The following SYNDIG1 variants were observed in gnomAD, a reference collection of about 807,000 sequenced individuals.
SYNDIG1 encodes the protein synapse differentiation inducing 1.
In SYNDIG1, 9 loss-of-function variants were observed where a neutral mutation model predicts 19.4. The observed-to-expected ratio is 0.46, with a 90% CI of 0.28 to 0.81. The LOEUF (loss-of-function observed/expected upper bound fraction) is 0.81. Among genes scored for constraint, SYNDIG1 ranks in the 30% least tolerant of loss-of-function variants. SYNDIG1 has a pLI of 0.12. For missense variants in SYNDIG1, 311 were observed against 343.3 expected (o/e 0.91, Z 0.74); for synonymous variants, 141 against 145.9 (o/e 0.97, Z 0.24).
chr20:24,638,652 C>T (rs1256512007), intron 3 of SYNDIG1, among the ~76,000 whole-genome samples: 1 of 152,192 alleles, frequency 6.6e-6, no homozygotes, highest in Non-Finnish European at 1.5e-5. Context: ...AACCACCACA[C>T]TCAGCCTGGA....
intron 3 of SYNDIG1, among the ~76,000 whole-genome samples, chr20:24,599,456 C>T (rs927984388): frequency 6.6e-6 from 1 of 151,990 alleles, no homozygotes; most frequent in African/African-American, 2.4e-5. Context: ...AATAGAATAC[C>T]TTTGACCCAG....
intron 3 of SYNDIG1, among the ~76,000 whole-genome samples, chr20:24,646,351 C>T (rs985510536): frequency 2.0e-5 from 3 of 152,156 alleles, no homozygotes; most frequent in Non-Finnish European, 4.4e-5. Context: ...AATTTGATCT[C>T]CAGTGTGGCA....
chr20:24,628,018 T>C (rs1161592546), intron 3 of SYNDIG1, among the ~76,000 whole-genome samples: 1 of 152,190 alleles, frequency 6.6e-6, no homozygotes, highest in Non-Finnish European at 1.5e-5. Context: ...TAAATCATCT[T>C]TGATTGTTCG....
At chr20:24,649,885 T>C (rs2059453573) in intron 3 of SYNDIG1, among the ~76,000 whole-genome samples, 1 of 152,256 alleles carries the variant, frequency 6.6e-6, no homozygotes, top group South Asian at 2.1e-4. Flanking sequence ...AAAGACTTTA[T>C]TTAAAACAGG....
At chr20:24,470,184 C>T (rs1248602461) in intron 1 of SYNDIG1, among the ~76,000 whole-genome samples, 2 of 152,180 alleles carry the variant, frequency 1.3e-5, no homozygotes, top group East Asian at 1.9e-4. Context: ...CAAGGCTCTG[C>T]GGGTTCGGGC....
At chr20:24,639,270 T>C (rs1037086071) in intron 3 of SYNDIG1, among the ~76,000 whole-genome samples, 2 of 152,142 alleles carry the variant, frequency 1.3e-5, no homozygotes, top group African/African-American at 4.8e-5. Context: ...AGCAGAGGCA[T>C]GAACCAGGTG....
rs111599321 is a variant in SYNDIG1 at position 24,663,085 on chromosome 20, A to C, written c.619-2261A>C. Among the ~76,000 whole-genome samples the C allele has an allele frequency of 3.3e-5, 5 of 152,364 alleles. 1 individual carries two copies. Among genetic ancestry groups the C allele is most frequent in the African/African-American group, 9.6e-5 (4 of 41,582 alleles). On this transcript the variant is annotated intron_variant, in intron 3 of 3. Coordinates refer to ENST00000376862, the MANE Select transcript of SYNDIG1 (RefSeq NM_024893.3). ...TCATATCAGGTAAATCACCTTCATT[A>C]GACCACGTTGTGTGTTTTGTGTATG...
intron 2 of SYNDIG1, among the ~76,000 whole-genome samples, chr20:24,578,058 G>A (rs1194920278): frequency 2.6e-5 from 4 of 152,222 alleles, no homozygotes; most frequent in Non-Finnish European, 5.9e-5. Context: ...GCAAATGTGC[G>A]TGGGTCCTAC....
intron 1 of SYNDIG1, among the ~76,000 whole-genome samples, chr20:24,490,883 T>C (rs2056127624): frequency 6.6e-6 from 1 of 151,970 alleles, no homozygotes; most frequent in Admixed American, 6.6e-5. Context: ...TTTGCACCAG[T>C]GTGAGTGGAG....
At chr20:24,547,642 T>C (rs1260711961) in intron 2 of SYNDIG1, among the ~76,000 whole-genome samples, 1 of 152,150 alleles carries the variant, frequency 6.6e-6, no homozygotes, top group African/African-American at 2.4e-5. Context: ...TTGGGCCTGA[T>C]GTCCGACAGC....
chr20:24,597,332 T>G (rs1038786507), intron 3 of SYNDIG1, among the ~76,000 whole-genome samples: 4 of 152,214 alleles, frequency 2.6e-5, no homozygotes, highest in Non-Finnish European at 4.4e-5. Context: ...TGCTATACTA[T>G]TTCAGGACAC....
intron 2 of SYNDIG1, among the ~76,000 whole-genome samples, chr20:24,572,647 A>G (rs961873084): frequency 6.6e-6 from 1 of 152,146 alleles, no homozygotes. Context: ...GGGAGTAGAG[A>G]TGGCCACTGG....
chr20:24,588,359 A>G (rs2058451461), intron 3 of SYNDIG1, among the ~76,000 whole-genome samples: 1 of 152,262 alleles, frequency 6.6e-6, no homozygotes, highest in Non-Finnish European at 1.5e-5. Flanking sequence ...ATGAAGTAGC[A>G]TAACAGTAGT....
intron 2 of SYNDIG1, among the ~76,000 whole-genome samples, chr20:24,554,982 T>G (rs1388455439): frequency 1.3e-5 from 2 of 152,080 alleles, no homozygotes; most frequent in Non-Finnish European, 2.9e-5. Context: ...CAATTTCAGA[T>G]CCTGTTATTG....
chr20:24,531,220 T>C (rs537679424), intron 1 of SYNDIG1, among the ~76,000 whole-genome samples: 1 of 152,362 alleles, frequency 6.6e-6, no homozygotes, highest in Non-Finnish European at 1.5e-5. Context: ...TGACTGATAC[T>C]GCACAATATA....
In SYNDIG1 at chr20:24,536,442, C is replaced by T. The variant is rs116414232; in HGVS notation, c.-78-6578C>T. The stretch of plus-strand genomic sequence containing the variant: ...TCATTGCCACCCCATTCAGGAGACC[C>T]GGCTGCCTGGATCAGCTCCTTCAAG... On this transcript the variant is annotated intron_variant, in intron 1 of 3. Transcript: ENST00000376862. Among the ~76,000 whole-genome samples, 438 of 152,220 alleles carry T rather than the reference C, an allele frequency of 2.9e-3. 2 individuals are homozygous for T. The highest frequency in any genetic ancestry group is 9.9e-3 in the African/African-American group (413 of 41,510).
chr20:24,545,733 T>G (rs1157575777), intron 2 of SYNDIG1, among the ~76,000 whole-genome samples: 1 of 152,022 alleles, frequency 6.6e-6, no homozygotes, highest in Non-Finnish European at 1.5e-5. Flanking sequence ...TCTGGGGAGG[T>G]AACCTTTCCC....
intron 1 of SYNDIG1, among the ~76,000 whole-genome samples, chr20:24,527,898 A>T (rs1315189701): frequency 6.6e-6 from 1 of 152,214 alleles, no homozygotes. Context: ...ATGCATGCTT[A>T]AATCTGAGAC....
At chr20:24,651,402 G>A (rs780912738) in intron 3 of SYNDIG1, among the ~76,000 whole-genome samples, 17 of 152,162 alleles carry the variant, frequency 1.1e-4, no homozygotes, top group Non-Finnish European at 2.1e-4. Flanking sequence ...TCCCCACCAA[G>A]AGCCTATCCA....
Sources: gnomAD v4.1 joint callset for allele counts (sites outside exome capture counted in the v4.1 genomes callset) on GRCh38, gnomAD v4.1.1 for gene constraint, MANE v1.5 for transcripts, NCBI Gene and HGNC (gene_info 2026-07-23, HGNC 2026-07-21) for gene names.